The following PDE1C variants were observed in gnomAD, a reference collection of about 807,000 sequenced individuals.
PDE1C encodes the protein dual specificity calcium/calmodulin-dependent 3',5'-cyclic nucleotide phosphodiesterase 1C.
PDE1C carries 62 observed loss-of-function variants against 93.1 expected under a neutral mutation model. The ratio of observed to expected loss-of-function variants is 0.67; its 90% confidence interval spans 0.54 to 0.82. PDE1C has a LOEUF of 0.82. Ranked by LOEUF, PDE1C falls within the 40% of genes least tolerant of loss-of-function variation. PDE1C has a pLI of 0.00. For missense variants in PDE1C, 742 were observed against 884.6 expected (o/e 0.84, Z 2.04); for synonymous variants, 325 against 310.1 (o/e 1.05, Z -0.50).
At chr7:31,618,360 C>G in the PDE1C span, among the ~76,000 whole-genome samples, 10 of 47,826 alleles carry the variant, frequency 2.1e-4, no homozygotes, top group Non-Finnish European at 4.4e-4. Context: ...GAGGTTCCTC[C>G]CCTGTCCTTT....
At chr7:32,054,134 G>A (rs1793740245) in intron 1 of PDE1C, among the ~76,000 whole-genome samples, 2 of 152,026 alleles carry the variant, frequency 1.3e-5, no homozygotes, top group South Asian at 2.1e-4. Context: ...TGATACCCAG[G>A]GGGAGTGTCA....
At chr7:32,034,059 T>C (rs1383779005) in intron 2 of PDE1C, among the ~76,000 whole-genome samples, 1 of 100,564 alleles carries the variant, frequency 9.9e-6, no homozygotes, top group Admixed American at 1.0e-4. Context: ...AGAGACTGTG[T>C]GTGTGTGTGT....
chr7:32,173,944 T>C (rs912615638), intron 2 of PDE1C, among the ~76,000 whole-genome samples: 1 of 152,114 alleles, frequency 6.6e-6, no homozygotes, highest in Non-Finnish European at 1.5e-5. Flanking sequence ...TCCCTTGGGG[T>C]GTCCATCCAA....
chr7:32,395,585 G>A (rs1268973192), intron 1 of PDE1C, among the ~76,000 whole-genome samples: 2 of 152,166 alleles, frequency 1.3e-5, no homozygotes, highest in Admixed American at 6.6e-5. Context: ...AAGCTGGGAA[G>A]TGAACTTACA....
chr7:32,390,388 C>A (rs1198467105), intron 1 of PDE1C, among the ~76,000 whole-genome samples: 1 of 152,092 alleles, frequency 6.6e-6, no homozygotes, highest in African/African-American at 2.4e-5. Flanking sequence ...ACGGTTGTCA[C>A]AACCTGGGGG....
intron 3 of PDE1C, among the ~76,000 whole-genome samples, chr7:32,128,375 A>C (rs1799707763): frequency 6.6e-6 from 1 of 151,958 alleles, no homozygotes; most frequent in Non-Finnish European, 1.5e-5. Flanking sequence ...CCTATATGTC[A>C]ACACACAACA....
chr7:32,276,199 A>G (rs1247102152), intron 1 of PDE1C, among the ~76,000 whole-genome samples: 1 of 152,226 alleles, frequency 6.6e-6, no homozygotes, highest in African/African-American at 2.4e-5. Flanking sequence ...AATTTTCACT[A>G]TAACTCTAAG....
chr7:32,420,348 T>TATAC lies in PDE1C; in HGVS notation c.310+7473_310+7474insGTAT, dbSNP rs1159126546. Among the ~76,000 whole-genome samples the TATAC allele has an allele frequency of 2.6e-3, 45 of 16,994 alleles. 15 individuals are homozygous for TATAC. The highest frequency in any genetic ancestry group is 4.6e-3 in the Non-Finnish European group (41 of 8,964). 11.1% of individuals were successfully genotyped at this position (16,994 alleles called of 152,430 possible). A position where few individuals can be genotyped will look rare whatever the true frequency, so the allele number is the denominator to read the frequency against. On this transcript the variant is annotated intron_variant, in intron 1 of 1. Transcript: ENST00000672256. ...ATGTGTATATATATATGTGTATATA[T>TATAC]ATGTGTATATATATATGTGTATATA...
At chr7:31,698,195 T>A in the PDE1C span, among the ~76,000 whole-genome samples, 3 of 152,200 alleles carry the variant, frequency 2.0e-5, no homozygotes, top group Admixed American at 2.0e-4. Flanking sequence ...CCCCACTGTT[T>A]CATTTAATAA....
intron 3 of PDE1C, among the ~76,000 whole-genome samples, chr7:32,168,885 T>C (rs1802470834): frequency 6.6e-6 from 1 of 152,168 alleles, no homozygotes; most frequent in Admixed American, 6.5e-5. Flanking sequence ...TTCAAATATA[T>C]TTCATGGAAC....
At position 31,759,432 on chromosome 7, in the gene PDE1C, C is replaced by T. The variant is rs762104618; in HGVS notation, c.1961-5879G>A. 5.5e-4 allele frequency among the ~76,000 whole-genome samples: 84 copies of T among 152,256 alleles called. 1 individual carries two copies. Among genetic ancestry groups the T allele is most frequent in the African/African-American group, 1.9e-3 (81 of 41,546 alleles). The stretch of plus-strand genomic sequence containing the variant: ...TCCCCGACCACTAGTGGAGAAGAAC[C>T]AAACCTGGATCCCCACCCCTGCCAC... On this transcript the variant is annotated intron_variant, in intron 17 of 17. Transcript: ENST00000396191.
intron 2 of PDE1C, among the ~76,000 whole-genome samples, chr7:31,905,453 A>T (rs1800475582): frequency 6.6e-6 from 1 of 152,192 alleles, no homozygotes. Context: ...TTGCAGGATT[A>T]TCTTGTATAA....
chr7:32,201,704 G>A (rs1805024778), intron 2 of PDE1C, among the ~76,000 whole-genome samples: 1 of 152,190 alleles, frequency 6.6e-6, no homozygotes, highest in Non-Finnish European at 1.5e-5. Flanking sequence ...ATGTACAGTG[G>A]TAGGCCAGGA....
chr7:31,668,528 C>T, the PDE1C span, among the ~76,000 whole-genome samples: 1 of 151,930 alleles, frequency 6.6e-6, no homozygotes, highest in Non-Finnish European at 1.5e-5. Flanking sequence ...TCTACTACAA[C>T]AATGTGGATA....
intron 2 of PDE1C, among the ~76,000 whole-genome samples, chr7:32,179,805 C>T (rs1328206528): frequency 6.6e-6 from 1 of 152,154 alleles, no homozygotes; most frequent in African/African-American, 2.4e-5. Context: ...GACTCATCAA[C>T]TCAGTTCTGT....
the PDE1C span, chr7:31,692,393 T>A: frequency 1.2e-5 from 17 of 1,445,474 alleles, no homozygotes; most frequent in South Asian, 1.6e-4. Context: ...AACTGTTTTT[T>A]ATACTTCCTT....
chr7:31,697,034 C>A, the PDE1C span: 4 of 1,614,008 alleles, frequency 2.5e-6, no homozygotes, highest in African/African-American at 2.7e-5. Context: ...AAAATGATCC[C>A]TGTTCTTCAT....
At chr7:31,981,973 T>A (rs1812441187) in intron 2 of PDE1C, among the ~76,000 whole-genome samples, 1 of 152,224 alleles carries the variant, frequency 6.6e-6, no homozygotes, top group Non-Finnish European at 1.5e-5. Flanking sequence ...AAATATATAT[T>A]TTTTCAGTGC....
intron 1 of PDE1C, among the ~76,000 whole-genome samples, chr7:32,396,265 G>T (rs1784837893): frequency 6.6e-6 from 1 of 152,098 alleles, no homozygotes; most frequent in South Asian, 2.1e-4. Flanking sequence ...GATTGCTTGA[G>T]CCCAGGAATT....
Sources: allele counts gnomAD v4.1 joint callset (sites outside exome capture counted in the v4.1 genomes callset), GRCh38; gene constraint gnomAD v4.1.1; transcripts MANE v1.5; gene names NCBI Gene and HGNC (gene_info 2026-07-23, HGNC 2026-07-21).